RASSF3: variants seen among roughly 807,000 people sequenced by gnomAD.
RASSF3 encodes Ras association domain family member 3, also known as ras association domain-containing protein 3.
RASSF3 carries 19 observed loss-of-function variants against 19.9 expected under a neutral mutation model. The observed-to-expected ratio is 0.96, with a 90% CI of 0.67 to 1.40. The LOEUF (loss-of-function observed/expected upper bound fraction) is 1.40. Among genes scored for constraint, RASSF3 ranks in the 40% most tolerant of loss-of-function variants. RASSF3 has a pLI of 0.00. For missense variants in RASSF3, 306 were observed against 289.8 expected (o/e 1.06, Z -0.41); for synonymous variants, 110 against 104.2 (o/e 1.06, Z -0.34).
intron 2 of RASSF3, among the ~76,000 whole-genome samples, chr12:64,576,911 A>G (rs1386263471): frequency 6.6e-6 from 1 of 151,714 alleles, no homozygotes; most frequent in African/African-American, 2.4e-5. Flanking sequence ...GTATGATATT[A>G]TACAAAGTAA....
chr12:64,670,929 T>TC (rs147827347), intron 1 of RASSF3, among the ~76,000 whole-genome samples: 1,742 of 152,290 alleles, frequency 0.011, 39 homozygotes, highest in African/African-American at 0.039. Flanking sequence ...CTTTGTGTCC[T>TC]CCGGCAAAAT....
intron 1 of RASSF3, among the ~76,000 whole-genome samples, chr12:64,639,137 A>G (rs1281610148): frequency 6.6e-6 from 1 of 152,140 alleles, no homozygotes; most frequent in Non-Finnish European, 1.5e-5. Flanking sequence ...ATTTTTTTAA[A>G]CCTGTATGCT....
intron 1 of RASSF3, among the ~76,000 whole-genome samples, chr12:64,512,874 TA>T (rs1868337062): frequency 6.6e-6 from 1 of 152,134 alleles, no homozygotes; most frequent in South Asian, 2.1e-4. Context: ...GAAAGTAGCA[TA>T]AGTTTATTGG....
At chr12:64,535,494 A>G (rs894244612) in intron 1 of RASSF3, among the ~76,000 whole-genome samples, 3 of 151,960 alleles carry the variant, frequency 2.0e-5, no homozygotes, top group South Asian at 4.2e-4. Flanking sequence ...CCTCCTGAGT[A>G]GCTGAAACTA....
chr12:64,596,039 C>A (rs551859589), intron 2 of RASSF3, among the ~76,000 whole-genome samples: 1 of 152,312 alleles, frequency 6.6e-6, no homozygotes, highest in African/African-American at 2.4e-5. Flanking sequence ...AGGGTCCTGC[C>A]CCAAACCCAG....
chr12:64,543,497 CCCCACA>C (rs2136116835), downstream of RASSF3, among the ~76,000 whole-genome samples: 1 of 58,294 alleles, frequency 1.7e-5, no homozygotes, highest in Admixed American at 1.5e-4. Context: ...TCCCCCACTC[CCCCACA>C]CCCTCCCCCC....
chr12:64,576,475 G>T (rs1390478023), intron 2 of RASSF3, among the ~76,000 whole-genome samples: 1 of 152,070 alleles, frequency 6.6e-6, no homozygotes, highest in African/African-American at 2.4e-5. Flanking sequence ...AGATCTTGGG[G>T]GTAGGAAAAG....
chr12:64,611,568 A>G (rs1330869753), intron 1 of RASSF3: 1 of 152,258 alleles, frequency 6.6e-6, no homozygotes, highest in East Asian at 1.9e-4. Context: ...GCCCGGTGCT[A>G]GAGCCCGCGG....
upstream of RASSF3, among the ~76,000 whole-genome samples, chr12:64,607,146 T>C (rs924649317): frequency 6.7e-6 from 1 of 150,020 alleles, no homozygotes; most frequent in African/African-American, 2.5e-5. Context: ...TAGCCAGGCC[T>C]GGTGGCATAT....
intron 1 of RASSF3, among the ~76,000 whole-genome samples, chr12:64,678,085 T>C (rs917409443): frequency 4.6e-5 from 7 of 152,208 alleles, no homozygotes; most frequent in African/African-American, 1.7e-4. Context: ...GATGTCCTTA[T>C]TAGAAGACAT....
chr12:64,596,631 C>T (rs145573297), intron 2 of RASSF3, among the ~76,000 whole-genome samples: 512 of 152,260 alleles, frequency 3.4e-3, no homozygotes, highest in African/African-American at 0.012. Flanking sequence ...CACAGCCCTC[C>T]ACCCTCACCC....
At chr12:64,621,940 A>G (rs1159559515) in intron 1 of RASSF3, among the ~76,000 whole-genome samples, 3 of 151,678 alleles carry the variant, frequency 2.0e-5, no homozygotes, top group South Asian at 4.1e-4. Flanking sequence ...TGTGTTTTCT[A>G]CTAACCATGT....
rs555556623 is a variant in RASSF3, at chr12:64,575,463, G to A, written c.294+33758G>A. On this transcript the variant is annotated intron_variant, in intron 2 of 5. Coordinates refer to the RASSF3 transcript ENST00000637125. ...AGCTACTCGGGAGGCTGAGGTAGGAGGATCACTTAACGCCAGGAGTTCAAG... is the reference window on the plus strand; with the variant it reads ...AGCTACTCGGGAGGCTGAGGTAGGAAGATCACTTAACGCCAGGAGTTCAAG... Among the ~76,000 whole-genome samples, 54 of 152,240 alleles carry A rather than the reference G, an allele frequency of 3.5e-4. 1 individual carries two copies. The highest frequency in any genetic ancestry group is 8.3e-4 in the South Asian group (4 of 4,826).
intron 2 of RASSF3, among the ~76,000 whole-genome samples, chr12:64,549,787 A>G (rs769797728): frequency 6.6e-6 from 1 of 151,974 alleles, no homozygotes; most frequent in Non-Finnish European, 1.5e-5. Context: ...TCTAGCATTG[A>G]CTCCTATATG....
chr12:64,605,716 C>G (rs1020529954), upstream of RASSF3, among the ~76,000 whole-genome samples: 3 of 151,846 alleles, frequency 2.0e-5, no homozygotes, highest in Admixed American at 2.0e-4. Context: ...ATGGAGAAAC[C>G]CCATCTCTAC....
intron 1 of RASSF3, among the ~76,000 whole-genome samples, chr12:64,617,138 C>T (rs867825303): frequency 6.6e-6 from 1 of 152,142 alleles, no homozygotes; most frequent in Non-Finnish European, 1.5e-5. Context: ...CACAAATGTA[C>T]ACAATGTCTC....
intron 2 of RASSF3, among the ~76,000 whole-genome samples, chr12:64,595,064 C>CTTTTTTTTTTTT (rs1171762487): frequency 3.3e-5 from 3 of 90,950 alleles, no homozygotes; most frequent in Non-Finnish European, 6.0e-5. Context: ...CATATGAAAT[C>CTTTTTTTTTTTT]TTTTTTTTTT....
At chr12:64,581,121 AAG>A (rs933066354) in intron 2 of RASSF3, among the ~76,000 whole-genome samples, 25 of 151,436 alleles carry the variant, frequency 1.7e-4, no homozygotes, top group African/African-American at 5.8e-4. Flanking sequence ...AAAAAAAAAA[AAG>A]AGAGAGAGAG....
chr12:64,681,199 C>T (rs747968993), intron 1 of RASSF3, among the ~76,000 whole-genome samples: 3 of 152,166 alleles, frequency 2.0e-5, no homozygotes, highest in Non-Finnish European at 4.4e-5. Context: ...GGTAGTAAGC[C>T]CCTAGGATGT....
Sources: allele counts gnomAD v4.1 joint callset (sites outside exome capture counted in the v4.1 genomes callset), GRCh38; gene constraint gnomAD v4.1.1; transcripts MANE v1.5; gene names NCBI Gene and HGNC (gene_info 2026-07-23, HGNC 2026-07-21).